Variants in CNNM1 observed in about 807,000 individuals in gnomAD.
CNNM1 encodes cyclin and CBS domain divalent metal cation transport mediator 1, also known as metal transporter CNNM1.
CNNM1 carries 44 observed loss-of-function variants against 78.8 expected under a neutral mutation model. That is an observed-to-expected ratio of 0.56 (90% confidence interval 0.44 to 0.72). The LOEUF (loss-of-function observed/expected upper bound fraction) is 0.72. Among genes scored for constraint, CNNM1 ranks in the 30% least tolerant of loss-of-function variants. The pLI is 0.00. For missense variants in CNNM1, 1,101 were observed against 1,292.2 expected (o/e 0.85, Z 2.27); for synonymous variants, 584 against 581.5 (o/e 1.00, Z -0.06).
chr10:99,364,384 A>G (rs1564951440), intron 4 of CNNM1, 33 bp from the exon 5 acceptor site: 3 of 1,528,568 alleles, frequency 2.0e-6, no homozygotes, highest in Non-Finnish European at 1.8e-6. Context: ...GCTCATACAC[A>G]TTCATAGTAC....
At chr10:99,346,885 C>T (rs937034803) in intron 1 of CNNM1, among the ~76,000 whole-genome samples, 1 of 152,194 alleles carries the variant, frequency 6.6e-6, no homozygotes, top group Non-Finnish European at 1.5e-5. Context: ...GCTGGGATTA[C>T]AGGCGTGAGC....
rs1218481323 is a variant in CNNM1 at position 99,377,200 on chromosome 10, C to A, written c.2322C>A (p.Ser774Arg). ...CTGACTACTCAGTCCACATCCTCAG[C>A]GATGTGCAGTTTGTGAAGGTAACTC... ...YMPDYSVHIL[S>R]DVQFVKITRQ... Residue 774 changes from serine (S) to arginine (R), a missense_variant, in exon 7 of 11, where the codon AGC (serine) becomes AGA (arginine). This residue lies in a region of CNNM1 where 348 missense variants were observed against 384.5 expected (regional missense o/e 0.90). Transcript: ENST00000356713. 2 of 1,613,480 alleles carry A rather than the reference C, an allele frequency of 1.2e-6. No homozygotes were observed. Among genetic ancestry groups the A allele is most frequent in the South Asian group, 2.2e-5 (2 of 90,932 alleles).
intron 6 of CNNM1, among the ~76,000 whole-genome samples, chr10:99,369,138 A>G (rs1225550789): frequency 6.6e-6 from 1 of 152,264 alleles, no homozygotes; most frequent in Non-Finnish European, 1.5e-5. Flanking sequence ...AAAGGATGCT[A>G]TATGTAAAAC....
At chr10:99,339,206 A>G (rs1156721567) in intron 1 of CNNM1, among the ~76,000 whole-genome samples, 1 of 152,242 alleles carries the variant, frequency 6.6e-6, no homozygotes, top group African/African-American at 2.4e-5. Flanking sequence ...AACACAGCCT[A>G]CTGCACAATC....
rs769179313 is a variant in CNNM1 at position 99,329,626 on chromosome 10, C to T, written c.239C>T (p.Pro80Leu). The change falls in exon 1 of 11, where the codon CCG (proline) becomes CTG (leucine). Residue 80 changes from proline (P) to leucine (L), a missense_variant. Physicochemically the swap from Pro to Leu is moderately conservative, Grantham distance 98. Transcript: ENST00000356713. ...CTGCGTGTCTATTTCCAGCCAGGAC[C>T]GCCGGCCACCGCCGCACCGGTGCCC... ...FLLRVYFQPG[P>L]PATAAPVPSP... The T allele has an allele frequency of 1.3e-6, 2 of 1,505,662 alleles. No homozygotes were observed. Among genetic ancestry groups the T allele is most frequent in the Non-Finnish European group, 1.8e-6 (2 of 1,135,756 alleles). 93.3% of individuals were successfully genotyped at this position (1,505,662 alleles called of 1,614,324 possible).
intron 7 of CNNM1, among the ~76,000 whole-genome samples, chr10:99,381,722 G>C (rs113286398): frequency 6.7e-6 from 1 of 148,748 alleles, no homozygotes; most frequent in East Asian, 2.0e-4. Flanking sequence ...CAGCCTGGGC[G>C]ACAAGAGCGA....
chr10:99,330,079 T>G lies in CNNM1; in HGVS notation c.692T>G (p.Leu231Arg). Reference protein sequence around the residue: ...PAWLRALGALLLLALSALFSG... With the variant: ...PAWLRALGALRLLALSALFSG... ...TGGCTGCGGGCGCTCGGGGCGCTCC[T>G]GCTGCTAGCCTTGTCGGCCCTGTTC... Residue 231 changes from leucine (L) to arginine (R), a missense_variant, in exon 1 of 11, where the codon CTG becomes CGG. Transcript: ENST00000356713. 6.5e-7 allele frequency: 1 copy of G among 1,530,172 alleles called. No homozygotes were observed. The highest frequency in any genetic ancestry group is 8.7e-7 in the Non-Finnish European group (1 of 1,147,706). 94.8% of individuals were successfully genotyped at this position (1,530,172 alleles called of 1,614,324 possible). A position where few individuals can be genotyped will look rare whatever the true frequency, so the allele number is the denominator to read the frequency against.
rs2032547355 is a variant in CNNM1 at position 99,393,920 on chromosome 10, A to T, written c.*2404A>T. The T allele has an allele frequency of 1.3e-5, 2 of 152,352 alleles. No homozygotes were observed. The highest frequency in any genetic ancestry group is 3.9e-4 in the East Asian group (2 of 5,194). 9.4% of individuals were successfully genotyped at this position (152,352 alleles called of 1,614,324 possible). A position where few individuals can be genotyped will look rare whatever the true frequency, so the allele number is the denominator to read the frequency against. On this transcript the variant is annotated 3_prime_UTR_variant, in exon 11 of 11. Coordinates refer to ENST00000356713, the MANE Select transcript of CNNM1 (RefSeq NM_020348.3). Reference sequence around the variant, plus strand: ...AGCAGTGCATGACTTCTCGTAGATAACTTCACAGTCATCCAGTCCCAACAC... The same window carrying T: ...AGCAGTGCATGACTTCTCGTAGATATCTTCACAGTCATCCAGTCCCAACAC...
At chr10:99,369,262 A>C (rs1004939191) in intron 6 of CNNM1, among the ~76,000 whole-genome samples, 9 of 152,222 alleles carry the variant, frequency 5.9e-5, no homozygotes. Context: ...TGATTCAATG[A>C]CTGAGTAGAA....
chr10:99,363,305 C>CA (rs1019501903), intron 4 of CNNM1, among the ~76,000 whole-genome samples: 1 of 152,166 alleles, frequency 6.6e-6, no homozygotes, highest in African/African-American at 2.4e-5. Flanking sequence ...CTCTCTTCTC[C>CA]AAAAAATGTA....
chr10:99,382,530 A>G (rs1291484549), intron 7 of CNNM1, among the ~76,000 whole-genome samples: 1 of 152,214 alleles, frequency 6.6e-6, no homozygotes, highest in Non-Finnish European at 1.5e-5. Flanking sequence ...TGGGAGGCTG[A>G]GACAGGAGAA....
rs983139044 is a variant in CNNM1, at chr10:99,329,743, C to T, written c.356C>T (p.Ala119Val). Reference sequence around the variant, plus strand: ...GAGCCCCCGGGCGGTGGCGGCGTGGCCCCCAGCGCGGTCCCCACTCGCCCC... The same window carrying T: ...GAGCCCCCGGGCGGTGGCGGCGTGGTCCCCAGCGCGGTCCCCACTCGCCCC... ...IEEPPGGGGV[A>V]PSAVPTRPPG... The change falls in exon 1 of 11, where the codon GCC becomes GTC. Residue 119 changes from alanine to valine, a missense_variant. Ala to Val is a moderately conservative substitution (Grantham distance 64). Transcript: ENST00000356713. The T allele has an allele frequency of 5.3e-6, 8 of 1,502,836 alleles. No homozygotes were observed. The highest frequency in any genetic ancestry group is 6.2e-6 in the Non-Finnish European group (7 of 1,135,476). The allele number at this position is 1,502,836 out of a possible 1,614,324, so 93.1% of individuals were successfully genotyped here.
At chr10:99,390,521 A>C (rs1158354214) in intron 10 of CNNM1, 114 bp downstream of exon 10, 2 of 730,900 alleles carry the variant, frequency 2.7e-6, no homozygotes, top group South Asian at 1.6e-5. Flanking sequence ...TAGAAACCCT[A>C]ATGAGGTACA....
intron 1 of CNNM1, among the ~76,000 whole-genome samples, chr10:99,334,545 T>C (rs2030077359): frequency 6.6e-6 from 1 of 151,838 alleles, no homozygotes; most frequent in African/African-American, 2.4e-5. Flanking sequence ...CCCAGCTAAT[T>C]GGGAGGCTGA....
At position 99,330,714 on chromosome 10, in the gene CNNM1, C is replaced by T; in HGVS notation, c.1327C>T (p.Arg443Cys). 1 of 1,614,030 alleles carries T rather than the reference C, an allele frequency of 6.2e-7. No individual in the cohort carries two copies. Among genetic ancestry groups the T allele is most frequent in the Non-Finnish European group, 8.5e-7 (1 of 1,179,894 alleles). ...LTPLGDCFMLRSDAVLDFATV... is the reference protein window; with the variant it reads ...LTPLGDCFMLCSDAVLDFATV... ...CCCCCTGGGAGACTGCTTCATGCTG[C>T]GCTCAGACGCGGTGCTCGACTTCGC... is the stretch of plus-strand genomic sequence containing the variant. Residue 443 changes from arginine to cysteine, a missense_variant, in exon 1 of 11, where the codon CGC (arginine) becomes TGC (cysteine). Coordinates refer to ENST00000356713, the MANE Select transcript of CNNM1 (RefSeq NM_020348.3).
chr10:99,346,684 T>C (rs2030708898), intron 1 of CNNM1, among the ~76,000 whole-genome samples: 1 of 152,218 alleles, frequency 6.6e-6, no homozygotes, highest in Non-Finnish European at 1.5e-5. Flanking sequence ...GAGCTCCTAC[T>C]CTTTTTGCCA....
chr10:99,348,050 A>ATATT (rs1352183839), intron 1 of CNNM1, among the ~76,000 whole-genome samples: 41 of 131,646 alleles, frequency 3.1e-4, no homozygotes, highest in African/African-American at 1.1e-3. Flanking sequence ...ATATATATAT[A>ATATT]TTTTTTTTTT....
chr10:99,382,712 A>C (rs1173147694), intron 7 of CNNM1, among the ~76,000 whole-genome samples: 1 of 152,198 alleles, frequency 6.6e-6, no homozygotes. Context: ...GGTTACAGTG[A>C]GCTGTGATCA....
chr10:99,367,247 G>T (rs2031651440), intron 6 of CNNM1, among the ~76,000 whole-genome samples: 1 of 152,110 alleles, frequency 6.6e-6, no homozygotes, highest in Non-Finnish European at 1.5e-5. Flanking sequence ...TAGGGTCTTG[G>T]CCCAGCCCCG....
Sources: allele counts gnomAD v4.1 joint callset (sites outside exome capture counted in the v4.1 genomes callset), GRCh38; gene constraint gnomAD v4.1.1; regional missense constraint gnomAD v4.1.1; transcripts MANE v1.5; gene names NCBI Gene and HGNC (gene_info 2026-07-23, HGNC 2026-07-21).